The following GRID2 variants were observed in gnomAD, a reference collection of about 807,000 sequenced individuals.
The protein encoded by GRID2 is glutamate receptor ionotropic, delta-2.
Under a neutral mutation model 114.8 loss-of-function variants are expected in GRID2, and 33 were observed. The observed-to-expected ratio is 0.29, with a 90% CI of 0.22 to 0.38. The LOEUF is 0.38. Among genes scored for constraint, GRID2 ranks in the 10% least tolerant of loss-of-function variants. The probability of loss-of-function intolerance (pLI) is 1.00; values close to 1 mark genes in which losing one functional copy is unlikely to be tolerated. For missense variants in GRID2, 1,184 were observed against 1,257.7 expected (o/e 0.94, Z 0.89); for synonymous variants, 505 against 449.9 (o/e 1.12, Z -1.55).
At chr4:93,622,414 G>C (rs1181106683) in intron 13 of GRID2, among the ~76,000 whole-genome samples, 1 of 152,076 alleles carries the variant, frequency 6.6e-6, no homozygotes, top group Non-Finnish European at 1.5e-5. Context: ...TAAGCTGTCA[G>C]GATTGTTAAA....
At chr4:93,284,768 G>A (rs78344234) in intron 8 of GRID2, among the ~76,000 whole-genome samples, 4,348 of 150,792 alleles carry the variant, frequency 0.029, 83 homozygotes, top group Middle Eastern at 0.049. Flanking sequence ...GAAATATATG[G>A]ATAACAATAC....
intron 4 of GRID2, among the ~76,000 whole-genome samples, chr4:93,152,191 T>A (rs952291501): frequency 2.0e-5 from 3 of 152,152 alleles, no homozygotes; most frequent in Non-Finnish European, 4.4e-5. Context: ...CACAATGTAA[T>A]TTTAAATCTC....
At chr4:92,716,814 A>G (rs895047083) in intron 2 of GRID2, among the ~76,000 whole-genome samples, 25 of 152,168 alleles carry the variant, frequency 1.6e-4, no homozygotes. Flanking sequence ...AAATGTTTAA[A>G]ATCTGGGAGT....
chr4:92,913,806 A>T (rs1381656900), intron 2 of GRID2, among the ~76,000 whole-genome samples: 1 of 151,870 alleles, frequency 6.6e-6, no homozygotes, highest in African/African-American at 2.4e-5. Context: ...TATACCAGAG[A>T]CAATAAATAA....
chr4:93,266,500 G>A (rs921787831), intron 8 of GRID2, among the ~76,000 whole-genome samples: 1 of 151,894 alleles, frequency 6.6e-6, no homozygotes, highest in South Asian at 2.1e-4. Flanking sequence ...AGCCCAAAAG[G>A]TTGAGTGTAT....
chr4:92,923,012 T>C (rs990555304), intron 2 of GRID2, among the ~76,000 whole-genome samples: 1 of 152,202 alleles, frequency 6.6e-6, no homozygotes, highest in Non-Finnish European at 1.5e-5. Context: ...AAACTTTACA[T>C]ATGAATTTTG....
At chr4:92,886,355 A>C (rs1202297164) in intron 2 of GRID2, among the ~76,000 whole-genome samples, 1 of 152,138 alleles carries the variant, frequency 6.6e-6, no homozygotes, top group Non-Finnish European at 1.5e-5. Flanking sequence ...ACCAAATGTG[A>C]CACAAAAACA....
chr4:93,737,047 A>G (rs780739552), intron 14 of GRID2, among the ~76,000 whole-genome samples: 2 of 152,122 alleles, frequency 1.3e-5, no homozygotes, highest in Non-Finnish European at 2.9e-5. Context: ...CCTTAGGCAC[A>G]TTCTTAATCT....
chr4:93,703,283 T>C (rs1034708994), intron 14 of GRID2, among the ~76,000 whole-genome samples: 1 of 152,122 alleles, frequency 6.6e-6, no homozygotes, highest in Non-Finnish European at 1.5e-5. Context: ...ATATAGTAGG[T>C]GAGTATATTT....
chr4:92,356,784 A>T (rs554218642), intron 1 of GRID2, among the ~76,000 whole-genome samples: 1 of 151,918 alleles, frequency 6.6e-6, no homozygotes, highest in African/African-American at 2.4e-5. Context: ...GAAAAAATCA[A>T]TGCAAAAAGG....
intron 1 of GRID2, among the ~76,000 whole-genome samples, chr4:92,469,844 A>G (rs1173763527): frequency 6.6e-6 from 1 of 151,998 alleles, no homozygotes; most frequent in East Asian, 1.9e-4. Context: ...AAAACAAAAA[A>G]GCTGAGGAAG....
At chr4:92,306,832 G>A (rs1180134041) in intron 1 of GRID2, among the ~76,000 whole-genome samples, 1 of 152,066 alleles carries the variant, frequency 6.6e-6, no homozygotes, top group Non-Finnish European at 1.5e-5. Flanking sequence ...TAGAAAGTTG[G>A]TTGTATACAT....
intron 12 of GRID2, among the ~76,000 whole-genome samples, chr4:93,508,705 G>A (rs1728886947): frequency 6.6e-6 from 1 of 152,150 alleles, no homozygotes; most frequent in Admixed American, 6.5e-5. Flanking sequence ...CCCTGGGCTA[G>A]ATCTGGATTT....
chr4:93,099,616 A>C (rs980191197), intron 3 of GRID2, among the ~76,000 whole-genome samples: 1 of 151,914 alleles, frequency 6.6e-6, no homozygotes, highest in African/African-American at 2.4e-5. Context: ...AAAGAAAAAA[A>C]TCAACTTTAT....
chr4:93,743,033 G>A (rs1731550016), intron 14 of GRID2, among the ~76,000 whole-genome samples: 1 of 152,124 alleles, frequency 6.6e-6, no homozygotes, highest in Non-Finnish European at 1.5e-5. Flanking sequence ...GTTCTTGAAG[G>A]AAATTAAAAG....
chr4:93,480,872 C>T (rs185144335), intron 11 of GRID2, among the ~76,000 whole-genome samples: 114 of 152,122 alleles, frequency 7.5e-4, no homozygotes, highest in Admixed American at 3.6e-3. Context: ...TTTCTTGGAA[C>T]AGATTCATTC....
At chr4:93,390,544 G>A (rs1379170738) in intron 8 of GRID2, among the ~76,000 whole-genome samples, 9 of 152,066 alleles carry the variant, frequency 5.9e-5, no homozygotes, top group East Asian at 1.9e-4. Context: ...AACAGCACAC[G>A]CAAAGTAAGT....
At chr4:92,569,574 C>T (rs1560717188) in intron 1 of GRID2, among the ~76,000 whole-genome samples, 1 of 152,004 alleles carries the variant, frequency 6.6e-6, no homozygotes. Flanking sequence ...GTTGCACTAA[C>T]TTATGTTCCT....
intron 1 of GRID2, among the ~76,000 whole-genome samples, chr4:92,305,323 C>G (rs1725321388): frequency 6.6e-6 from 1 of 152,164 alleles, no homozygotes; most frequent in Non-Finnish European, 1.5e-5. Flanking sequence ...GCTTTATGAT[C>G]CTTGCGTGTA....
Sources: gnomAD v4.1 joint callset for allele counts (sites outside exome capture counted in the v4.1 genomes callset) on GRCh38, gnomAD v4.1.1 for gene constraint, MANE v1.5 for transcripts, NCBI Gene and HGNC (gene_info 2026-07-23, HGNC 2026-07-21) for gene names.